Variants in SRP19 observed in about 807,000 individuals in gnomAD.
SRP19 encodes the protein signal recognition particle 19 kDa protein.
Under a neutral mutation model 22.4 loss-of-function variants are expected in SRP19, and 11 were observed. The ratio of observed to expected loss-of-function variants is 0.49; its 90% CI spans 0.31 to 0.81. The LOEUF (loss-of-function observed/expected upper bound fraction) is 0.81. Among genes scored for constraint, SRP19 ranks in the 40% least tolerant of loss-of-function variants. SRP19 has a pLI of 0.05. For missense variants in SRP19, 168 were observed against 175.9 expected, an observed-to-expected ratio of 0.96 and a Z score of 0.25; for synonymous variants, 61 against 57.6, an observed-to-expected ratio of 1.06 and a Z score of -0.27.
At position 112,862,395 on chromosome 5, in the gene SRP19, T is replaced by C. The variant is rs1767436099; in HGVS notation, c.42-113T>C. ...GAAAAAGGAGGGGTTGAAAAGGGAG[T>C]ACCCATCTGATATCTAGGCAGCATG... On this transcript the variant is annotated intron_variant, in intron 1 of 4. Transcript: ENST00000505459. 2.2e-5 allele frequency: 19 copies of C among 853,984 alleles called. No homozygotes were observed. In the South Asian group the frequency reaches 2.4e-4, roughly 11 times the overall value. The allele number at this position is 853,984 out of a possible 1,614,324, so 52.9% of individuals were successfully genotyped here. A position where few individuals can be genotyped will look rare whatever the true frequency, so the allele number is the denominator to read the frequency against.
rs1279392870 is a variant in SRP19, at chr5:112,861,304, C to G, written c.-73C>G. 1 of 1,579,614 alleles carries G rather than the reference C, an allele frequency of 6.3e-7. No individual in the cohort carries two copies. Among genetic ancestry groups the G allele is most frequent in the Non-Finnish European group, 8.7e-7 (1 of 1,148,842 alleles). On this transcript the variant is annotated 5_prime_UTR_variant, in exon 1 of 5. Coordinates refer to ENST00000505459, the MANE Select transcript of SRP19 (RefSeq NM_003135.3). ...GGAAAAGCGGGCTGTCTCGGAAACT[C>G]AGAGCCGGGTTCCTCCCGGGTTTCT...
chr5:112,870,109 A>G (rs958906875), downstream of SRP19, among the ~76,000 whole-genome samples: 2 of 152,188 alleles, frequency 1.3e-5, no homozygotes, highest in Non-Finnish European at 2.9e-5. Context: ...AACTGAAACC[A>G]CAGAAGTGAA....
chr5:112,889,528 A>G (rs2150037794), intron 4 of SRP19, among the ~76,000 whole-genome samples: 1 of 151,010 alleles, frequency 6.6e-6, no homozygotes, highest in East Asian at 2.0e-4. Context: ...TACGTAAATT[A>G]TATCTAACTT....
chr5:112,880,999 C>T (rs1047662552), intron 4 of SRP19, among the ~76,000 whole-genome samples: 1 of 151,892 alleles, frequency 6.6e-6, no homozygotes, highest in Non-Finnish European at 1.5e-5. Flanking sequence ...CGTGGTGGCC[C>T]ACACCTGTAA....
chr5:112,871,243 A>ATTTTTTTTTT (rs10592964), downstream of SRP19, among the ~76,000 whole-genome samples: 4 of 93,932 alleles, frequency 4.3e-5, no homozygotes, highest in African/African-American at 4.8e-5. Flanking sequence ...CAATCAGTGA[A>ATTTTTTTTTT]TTTTTTTTTT....
downstream of SRP19, chr5:112,894,728 A>T (rs1322870963): frequency 1.3e-5 from 2 of 152,224 alleles, no homozygotes; most frequent in Admixed American, 1.3e-4. Flanking sequence ...ATTTTGCTGT[A>T]TTTTATTAAT....
At chr5:112,876,438 C>T (rs1048744964) in intron 4 of SRP19, 5 of 152,180 alleles carry the variant, frequency 3.3e-5, no homozygotes, top group African/African-American at 1.2e-4. Flanking sequence ...CAGTGTATCA[C>T]ATCTTCAGGA....
In SRP19 at chr5:112,892,844, G is replaced by GA. The variant is rs761085464; in HGVS notation, c.*1243dup. 8.7e-6 allele frequency: 14 copies of GA among 1,613,406 alleles called. No individual in the cohort carries two copies. In the East Asian group the frequency reaches 8.9e-5, roughly 10 times the overall value. ...TACAAAAGAAATGGGGAATCCGAGAGAAAAAAGAGTAGTCATAGGGGGAAG... is the reference window on the plus strand; with the variant it reads ...TACAAAAGAAATGGGGAATCCGAGAGAAAAAAAGAGTAGTCATAGGGGGAAG... On this transcript the variant is annotated 3_prime_UTR_variant, in exon 5 of 5. Coordinates refer to the SRP19 transcript ENST00000391338.
At chr5:112,862,907 T>C (rs1450039199) in intron 2 of SRP19, among the ~76,000 whole-genome samples, 4 of 152,222 alleles carry the variant, frequency 2.6e-5, no homozygotes, top group Admixed American at 6.5e-5. Context: ...ATTATGACAT[T>C]GTACGATACA....
At chr5:112,884,039 C>G (rs1025292849) in intron 4 of SRP19, among the ~76,000 whole-genome samples, 10 of 152,222 alleles carry the variant, frequency 6.6e-5, no homozygotes, top group African/African-American at 1.9e-4. Flanking sequence ...AGCCAGATCA[C>G]TGCAAGAACC....
At chr5:112,877,979 CTCTGTGTGTGTGTG>C (rs1767948094) in intron 4 of SRP19, 2 of 115,382 alleles carry the variant, frequency 1.7e-5, no homozygotes, top group South Asian at 2.9e-4. Context: ...TTACAGGTTA[CTCTGTGTGTGTGTG>C]TGTGTGTGTG....
At chr5:112,878,796 T>C in intron 4 of SRP19, 1 of 1,614,210 alleles carries the variant, frequency 6.2e-7, no homozygotes, top group Non-Finnish European at 8.5e-7. Context: ...TTAGGTGCTC[T>C]TCTTTTCTTC....
chr5:112,879,155 G>C (rs1244202547), intron 4 of SRP19, among the ~76,000 whole-genome samples: 1 of 152,144 alleles, frequency 6.6e-6, no homozygotes, highest in African/African-American at 2.4e-5. Flanking sequence ...GATTCCTTAA[G>C]AGTAGTGTTC....
chr5:112,890,239 G>A (rs1181541372), intron 4 of SRP19, among the ~76,000 whole-genome samples: 1 of 150,398 alleles, frequency 6.6e-6, no homozygotes, highest in African/African-American at 2.5e-5. Context: ...GCAGTGAGCT[G>A]TGATACCATC....
chr5:112,891,699 C>A, exon 5 of SRP19: 1 of 1,613,932 alleles, frequency 6.2e-7, no homozygotes, highest in Non-Finnish European at 8.5e-7. Context: ...AGAAACCAAG[C>A]CACAAAAAGT....
chr5:112,864,350 G>C (rs989496716), intron 2 of SRP19, 107 bp from the exon 3 acceptor site: 4 of 946,074 alleles, frequency 4.2e-6, no homozygotes, highest in Non-Finnish European at 6.5e-6. Flanking sequence ...AGGAAACCTA[G>C]GGTTTTGGTA....
At chr5:112,893,664 A>G (rs2150040804), downstream of SRP19, 1 of 152,726 alleles carries the variant, frequency 6.5e-6, no homozygotes, top group African/African-American at 2.4e-5. Flanking sequence ...AGCATCTAGT[A>G]GTCTCGCTAC....
chr5:112,878,576 G>A, intron 4 of SRP19: 1 of 608,334 alleles, frequency 1.6e-6, no homozygotes, highest in Non-Finnish European at 2.7e-6. Context: ...CAAAAACGTG[G>A]ACACTGCCCA....
downstream of SRP19, among the ~76,000 whole-genome samples, chr5:112,873,747 T>G (rs1353511136): frequency 6.8e-6 from 1 of 146,954 alleles, no homozygotes; most frequent in African/African-American, 2.6e-5. Flanking sequence ...AAGGTGAGAT[T>G]TATAGTCTTA....
Sources: allele counts gnomAD v4.1 joint callset (sites outside exome capture counted in the v4.1 genomes callset), GRCh38; gene constraint gnomAD v4.1.1; transcripts MANE v1.5; gene names NCBI Gene and HGNC (gene_info 2026-07-23, HGNC 2026-07-21).